HEY2: variants seen among roughly 807,000 people sequenced by gnomAD.
HEY2 encodes hes related family bHLH transcription factor with YRPW motif 2.
A neutral mutation model predicts 18.1 loss-of-function variants in HEY2; 10 were observed. The observed-to-expected ratio is 0.55, with a 90% CI of 0.34 to 0.94. HEY2 has a LOEUF of 0.94. Ranked by LOEUF, HEY2 falls within the 40% of genes least tolerant of loss-of-function variation. The pLI is 0.02. For missense variants in HEY2, 455 were observed against 455.9 expected, an observed-to-expected ratio of 1.00 and a Z score of 0.02; for synonymous variants, 210 against 182.7, an observed-to-expected ratio of 1.15 and a Z score of -1.21.
At position 125,756,521 on chromosome 6, in the gene HEY2, C is replaced by T. The variant is rs182657504; in HGVS notation, c.328+1975C>T. Among the ~76,000 whole-genome samples, 16 of 151,926 alleles carry T rather than the reference C, an allele frequency of 1.1e-4. No individual in the cohort carries two copies. The East Asian group carries it at 2.7e-3, about 26-fold the overall frequency. On this transcript the variant is annotated intron_variant, in intron 4 of 4. Transcript: ENST00000368364. Reference sequence around the variant, plus strand: ...GGCAGAGGTTGTGGTGAGCCGAGATCGCGCCATTGCACTCCAGCCTGGGCA... The same window carrying T: ...GGCAGAGGTTGTGGTGAGCCGAGATTGCGCCATTGCACTCCAGCCTGGGCA...
At position 125,759,263 on chromosome 6, in the gene HEY2, A is replaced by C; in HGVS notation, c.475A>C (p.Thr159Pro). Residue 159 changes from threonine (T) to proline (P), a missense_variant, in exon 5 of 5, where the codon ACT becomes CCT. Coordinates refer to ENST00000368364, the MANE Select transcript of HEY2 (RefSeq NM_012259.3). Reference sequence around the variant, plus strand: ...GGTGCGGCTTGTGTCTCATCTCAGCACTTGCGCCACCCAGCGGGAGGCGGC... The same window carrying C: ...GGTGCGGCTTGTGTCTCATCTCAGCCCTTGCGCCACCCAGCGGGAGGCGGC... The part of the protein sequence containing the change: ...LRVRLVSHLS[T>P]CATQREAAAM... 6.2e-7 allele frequency: 1 copy of C among 1,608,300 alleles called. No individual in the cohort carries two copies. The highest frequency in any genetic ancestry group is 1.3e-5 in the African/African-American group (1 of 74,994).
At chr6:125,750,878 G>C (rs1197698477) in intron 1 of HEY2, among the ~76,000 whole-genome samples, 1 of 152,176 alleles carries the variant, frequency 6.6e-6, no homozygotes, top group Non-Finnish European at 1.5e-5. Context: ...TAGCAACCTG[G>C]TGTGTGCAGC....
At chr6:125,758,934 C>A (rs1773721251) in intron 4 of HEY2, among the ~76,000 whole-genome samples, 183 bp from the exon 5 acceptor site, 1 of 152,144 alleles carries the variant, frequency 6.6e-6, no homozygotes, top group Admixed American at 6.5e-5. Context: ...TTCTTAACTT[C>A]TGCAAAAAAT....
Position 125,759,394 on chromosome 6 carries a change from C to G in HEY2, c.606C>G (p.Leu202=), listed in dbSNP as rs1367243770. 4 of 1,609,390 alleles carry G rather than the reference C, an allele frequency of 2.5e-6. No individual in the cohort carries two copies. Among genetic ancestry groups the G allele is most frequent in the Non-Finnish European group, 3.4e-6 (4 of 1,178,578 alleles). ...LPAALLQPNG[L]HASESTPCRL... ...CAGCCCTGCTCCAGCCCAACGGCCT[C>G]CATGCCTCAGAGTCAACCCCTTGTC... The change falls in exon 5 of 5, where the codon CTC becomes CTG. Residue 202 remains leucine, a synonymous_variant. Transcript: ENST00000368364.
At chr6:125,758,707 G>A (rs1773717150) in intron 4 of HEY2, among the ~76,000 whole-genome samples, 1 of 152,162 alleles carries the variant, frequency 6.6e-6, no homozygotes, top group South Asian at 2.1e-4. Flanking sequence ...TCATGTGACA[G>A]AGACAGAGAG....
At chr6:125,749,990 A>G in intron 1 of HEY2, 131 bp downstream of exon 1, 1 of 851,984 alleles carries the variant, frequency 1.2e-6, no homozygotes, top group Non-Finnish European at 1.9e-6. Context: ...TTGGCCTGAG[A>G]AAGTTTGAGT....
Position 125,754,377 on chromosome 6 carries a change from G to A in HEY2, c.247-88G>A, listed in dbSNP as rs374204562. On this transcript the variant is annotated intron_variant, in intron 3 of 4. Transcript: ENST00000368364. ...GGGATTGTCTAGTGAGAGGGAAATT[G>A]AAGCCATAATGCTAAATTCAGTGTA... 8 of 662,082 alleles carry A rather than the reference G, an allele frequency of 1.2e-5. No homozygotes were observed. The African/African-American group carries it at 1.3e-4, about 11-fold the overall frequency. The allele number at this position is 662,082 out of a possible 1,614,324, so 41.0% of individuals were successfully genotyped here.
Position 125,749,877 on chromosome 6 carries a change from G to T in HEY2, c.83+18G>T. On this transcript the variant is annotated intron_variant, in intron 1 of 4. Transcript: ENST00000368364. ...TACTCGGGGTGAGCGCGGGCTCCGC[G>T]GGAGCGGCCCGCAGCTCGGGAGCTT... 6.4e-7 allele frequency: 1 copy of T among 1,552,822 alleles called. No homozygotes were observed. The highest frequency in any genetic ancestry group is 8.7e-7 in the Non-Finnish European group (1 of 1,146,754).
intron 3 of HEY2, among the ~76,000 whole-genome samples, chr6:125,752,377 T>A (rs1473918660): frequency 6.8e-6 from 1 of 147,620 alleles, no homozygotes; most frequent in Non-Finnish European, 1.5e-5. Flanking sequence ...GTTCTTTCTA[T>A]GAATACCAGT....
rs564963386 is a variant in HEY2, at chr6:125,750,197, AT to A, written c.83+341del. 3.2e-3 allele frequency: 3,081 copies of A among 964,218 alleles called. 8 individuals are homozygous for A. Among genetic ancestry groups the A allele is most frequent in the Non-Finnish European group, 3.6e-3 (2,948 of 810,588 alleles). 59.7% of individuals were successfully genotyped at this position (964,218 alleles called of 1,614,324 possible). On this transcript the variant is annotated intron_variant, in intron 1 of 4. Coordinates refer to ENST00000368364, the MANE Select transcript of HEY2 (RefSeq NM_012259.3). ...GCGATGTCCCAGCCACTGAAACCGT[AT>A]TTGGGGGCACTTTCAAAATAGATCA...
chr6:125,750,462 CCAGA>C, intron 1 of HEY2: 1 of 922,974 alleles, frequency 1.1e-6, no homozygotes, highest in African/African-American at 1.8e-5. Context: ...ATCACAGAAG[CCAGA>C]CCTCCACTTT....
chr6:125,749,709 C>G lies in HEY2; in HGVS notation c.-68C>G, dbSNP rs1051134677. 3 of 1,247,592 alleles carry G rather than the reference C, an allele frequency of 2.4e-6. No individual in the cohort carries two copies. The highest frequency in any genetic ancestry group is 2.2e-5 in the Admixed American group (1 of 45,130). 77.3% of individuals were successfully genotyped at this position (1,247,592 alleles called of 1,614,324 possible). On this transcript the variant is annotated 5_prime_UTR_variant, in exon 1 of 5. Coordinates refer to ENST00000368364, the MANE Select transcript of HEY2 (RefSeq NM_012259.3). ...GCCCGGGGAGGGAGGAGGCGGGCGT[C>G]AGGGTGCTGCGCCCCGCTCGGCGTC... is the stretch of plus-strand genomic sequence containing the variant.
chr6:125,754,555 A>G lies in HEY2; in HGVS notation c.328+9A>G. 1 of 1,445,544 alleles carries G rather than the reference A, an allele frequency of 6.9e-7. No homozygotes were observed. 89.5% of individuals were successfully genotyped at this position (1,445,544 alleles called of 1,614,324 possible). ...GGCAACAGGGGGTAAAGGTAAGTAGATGACTTCATTTTTTTTTTTTTTTGC... is the reference window on the plus strand; with the variant it reads ...GGCAACAGGGGGTAAAGGTAAGTAGGTGACTTCATTTTTTTTTTTTTTTGC... On this transcript the variant is annotated intron_variant, in intron 4 of 4. Transcript: ENST00000368364.
At position 125,760,860 on chromosome 6, in the gene HEY2, G is replaced by A. The variant is rs1424557311; in HGVS notation, c.*1058G>A. 6.6e-6 allele frequency: 1 copy of A among 152,640 alleles called. No homozygotes were observed. Among genetic ancestry groups the A allele is most frequent in the Non-Finnish European group, 1.5e-5 (1 of 68,032 alleles). The allele number at this position is 152,640 out of a possible 1,614,324, so 9.5% of individuals were successfully genotyped here. ...GAAGAGAAAAGCTACAATTTTTAAA[G>A]CTCTTTGTCAAGTTAGTGATTGCAT... On this transcript the variant is annotated 3_prime_UTR_variant, in exon 5 of 5. Coordinates refer to ENST00000368364, the MANE Select transcript of HEY2 (RefSeq NM_012259.3).
At chr6:125,750,217 T>C in intron 1 of HEY2, 1 of 982,620 alleles carries the variant, frequency 1.0e-6, no homozygotes, top group Non-Finnish European at 1.2e-6. Flanking sequence ...ACTTTCAAAA[T>C]AGATCAGGAG....
rs1341991439 is a variant in HEY2, at chr6:125,759,260, A to G, written c.472A>G (p.Ser158Gly). 1.9e-6 allele frequency: 3 copies of G among 1,608,540 alleles called. No homozygotes were observed. The highest frequency in any genetic ancestry group is 2.5e-6 in the Non-Finnish European group (3 of 1,179,966). The change falls in exon 5 of 5, where the codon AGC (serine) becomes GGC (glycine). Residue 158 changes from serine (S) to glycine (G), a missense_variant. Physicochemically the swap from Ser to Gly is moderately conservative, Grantham distance 56. Transcript: ENST00000368364. ...GCGGGTGCGGCTTGTGTCTCATCTC[A>G]GCACTTGCGCCACCCAGCGGGAGGC... ...PLRVRLVSHLSTCATQREAAA... is the reference protein window; with the variant it reads ...PLRVRLVSHLGTCATQREAAA...
chr6:125,759,831 CTG>C lies in HEY2; in HGVS notation c.*30_*31del. On this transcript the variant is annotated 3_prime_UTR_variant, in exon 5 of 5. Coordinates refer to ENST00000368364, the MANE Select transcript of HEY2 (RefSeq NM_012259.3). ...TTTCTTGAACTTCTTGCAATAGTAACTGAATGTCCTCCATTTCAGAGTCAGCT... is the reference window on the plus strand; with the variant it reads ...TTTCTTGAACTTCTTGCAATAGTAACAATGTCCTCCATTTCAGAGTCAGCT... 6.4e-7 allele frequency: 1 copy of C among 1,574,324 alleles called. No individual in the cohort carries two copies.
At chr6:125,750,239 AATTTG>A in intron 1 of HEY2, 1 of 984,650 alleles carries the variant, frequency 1.0e-6, no homozygotes, top group Non-Finnish European at 1.2e-6. Context: ...AAATAAAAAC[AATTTG>A]ATTTTTGATT....
At position 125,760,765 on chromosome 6, in the gene HEY2, A is replaced by G. The variant is rs1773785714; in HGVS notation, c.*963A>G. 6.5e-6 allele frequency: 1 copy of G among 152,672 alleles called. No homozygotes were observed. Among genetic ancestry groups the G allele is most frequent in the Non-Finnish European group, 1.5e-5 (1 of 68,052 alleles). The allele number at this position is 152,672 out of a possible 1,614,324, so 9.5% of individuals were successfully genotyped here. ...CTCTTCATTTTCTCCTAATGATGCA[A>G]CATCTATTCTTGTCACCCTTTGGGA... On this transcript the variant is annotated 3_prime_UTR_variant, in exon 5 of 5. Coordinates refer to ENST00000368364, the MANE Select transcript of HEY2 (RefSeq NM_012259.3).
Sources: gnomAD v4.1 joint callset for allele counts (sites outside exome capture counted in the v4.1 genomes callset) on GRCh38, gnomAD v4.1.1 for gene constraint, MANE v1.5 for transcripts, NCBI Gene and HGNC (gene_info 2026-07-23, HGNC 2026-07-21) for gene names.